The following PPP2R5E variants were observed in gnomAD, a reference collection of about 807,000 sequenced individuals.
PPP2R5E encodes protein phosphatase 2 regulatory subunit B'epsilon.
Under a neutral mutation model 65.3 loss-of-function variants are expected in PPP2R5E, and 4 were observed. That is an observed-to-expected ratio of 0.06 (90% CI 0.03 to 0.14). The LOEUF (loss-of-function observed/expected upper bound fraction) is 0.14. Among genes scored for constraint, PPP2R5E ranks in the 10% least tolerant of loss-of-function variants. The pLI is 1.00. For missense variants in PPP2R5E, 274 were observed against 556.1 expected (o/e 0.49, Z 5.10); for synonymous variants, 183 against 187.4 (o/e 0.98, Z 0.19).
At chr14:63,531,372 G>A (rs1485577981) in intron 2 of PPP2R5E, among the ~76,000 whole-genome samples, 1 of 150,462 alleles carries the variant, frequency 6.6e-6, no homozygotes, top group Admixed American at 6.7e-5. Flanking sequence ...ACCTATGAGT[G>A]AGAACATGCG....
chr14:63,539,220 C>T (rs532898812), intron 2 of PPP2R5E, among the ~76,000 whole-genome samples: 18 of 152,088 alleles, frequency 1.2e-4, no homozygotes, highest in Non-Finnish European at 1.8e-4. Flanking sequence ...TATCCCTAAA[C>T]GTCAACAGAA....
At chr14:63,389,980 G>A (rs1423836910) in intron 10 of PPP2R5E, among the ~76,000 whole-genome samples, 1 of 151,888 alleles carries the variant, frequency 6.6e-6, no homozygotes, top group Admixed American at 6.6e-5. Flanking sequence ...ATAGAACGAG[G>A]GACACTCACA....
intron 2 of PPP2R5E, chr14:63,508,011 G>A (rs1036338042): frequency 9.9e-5 from 33 of 333,640 alleles, no homozygotes; most frequent in African/African-American, 7.2e-4. Flanking sequence ...CCCCTTTGTA[G>A]AGATCCAGCT....
At chr14:63,468,223 C>T (rs2139544261) in intron 2 of PPP2R5E, among the ~76,000 whole-genome samples, 1 of 152,292 alleles carries the variant, frequency 6.6e-6, no homozygotes, top group Middle Eastern at 3.4e-3. Flanking sequence ...GAATATTTTC[C>T]ATATTCTAGG....
chr14:63,460,022 A>G (rs1265674701), intron 2 of PPP2R5E, among the ~76,000 whole-genome samples: 1 of 152,200 alleles, frequency 6.6e-6, no homozygotes, highest in African/African-American at 2.4e-5. Context: ...ATTAGCATAC[A>G]CGTTTTTTAA....
At chr14:63,464,231 A>G (rs1364769271) in intron 2 of PPP2R5E, among the ~76,000 whole-genome samples, 1 of 152,172 alleles carries the variant, frequency 6.6e-6, no homozygotes, top group Non-Finnish European at 1.5e-5. Flanking sequence ...TAGCAGGAAG[A>G]GACAAATAAT....
chr14:63,519,768 TCTC>T (rs1178367674), intron 2 of PPP2R5E, among the ~76,000 whole-genome samples: 1 of 151,298 alleles, frequency 6.6e-6, no homozygotes, highest in African/African-American at 2.4e-5. Context: ...TTCAAGCAAT[TCTC>T]CTGCCTCAGC....
intron 7 of PPP2R5E, 60 bp from the exon 8 acceptor site, chr14:63,393,988 T>C: frequency 1.0e-6 from 1 of 994,490 alleles, no homozygotes; most frequent in Middle Eastern, 2.1e-4. Flanking sequence ...TGAGACAAAC[T>C]GTTCTTGTGA....
chr14:63,490,415 G>A (rs75604496), intron 2 of PPP2R5E, among the ~76,000 whole-genome samples: 4,788 of 152,056 alleles, frequency 0.031, 231 homozygotes, highest in African/African-American at 0.11. Context: ...AAGCACTTCC[G>A]CACAGTGAAA....
chr14:63,496,987 C>T (rs960068656), intron 2 of PPP2R5E, among the ~76,000 whole-genome samples: 11 of 152,062 alleles, frequency 7.2e-5, no homozygotes, highest in African/African-American at 2.7e-4. Context: ...ACCATAATAG[C>T]TATGGCCTTT....
chr14:63,406,541 C>T (rs76132157), intron 5 of PPP2R5E, among the ~76,000 whole-genome samples: 1,576 of 152,268 alleles, frequency 0.01, 18 homozygotes, highest in African/African-American at 0.02. Context: ...AGAGACCAAC[C>T]GTTACTGGGA....
At chr14:63,509,951 G>A (rs955429075) in intron 2 of PPP2R5E, among the ~76,000 whole-genome samples, 2 of 152,116 alleles carry the variant, frequency 1.3e-5, no homozygotes, top group African/African-American at 4.8e-5. Flanking sequence ...ACCACTACCT[G>A]AGCATCCATG....
chr14:63,495,417 C>CAAAAAAAAAAAAAAAAAAAAAA (rs772700927), intron 2 of PPP2R5E, among the ~76,000 whole-genome samples: 1 of 93,236 alleles, frequency 1.1e-5, no homozygotes, highest in Non-Finnish European at 2.3e-5. Flanking sequence ...ACTAAAAATA[C>CAAAAAAAAAAAAAAAAAAAAAA]AAAAAAAAAA....
intron 2 of PPP2R5E, among the ~76,000 whole-genome samples, chr14:63,486,279 C>T (rs1051593987): frequency 6.8e-6 from 1 of 146,898 alleles, no homozygotes; most frequent in Non-Finnish European, 1.5e-5. Context: ...CCCCACCCAT[C>T]TTTCTTTCCC....
chr14:63,540,040 G>C (rs1254185339), intron 1 of PPP2R5E, among the ~76,000 whole-genome samples: 1 of 151,186 alleles, frequency 6.6e-6, no homozygotes, highest in East Asian at 1.9e-4. Flanking sequence ...TGAAAGAATC[G>C]CTTGAACCTG....
intron 4 of PPP2R5E, 112 bp downstream of exon 4, chr14:63,421,881 A>G (rs1887045441): frequency 1.3e-6 from 1 of 754,422 alleles, no homozygotes; most frequent in Non-Finnish European, 2.2e-6. Context: ...ACTTTCCATT[A>G]GTGTACTCTA....
chr14:63,469,122 G>T (rs1461603331), intron 2 of PPP2R5E, among the ~76,000 whole-genome samples: 1 of 152,082 alleles, frequency 6.6e-6, no homozygotes, highest in East Asian at 1.9e-4. Flanking sequence ...CTTTTTACAT[G>T]CCAGGCACTA....
At chr14:63,388,416 G>C (rs918252084) in intron 11 of PPP2R5E, among the ~76,000 whole-genome samples, 4 of 152,106 alleles carry the variant, frequency 2.6e-5, no homozygotes, top group Non-Finnish European at 4.4e-5. Context: ...TGGGATCACA[G>C]GCATGAGCCA....
chr14:63,391,553 AGCTGGGACTACAG>A (rs1214128675), intron 10 of PPP2R5E, among the ~76,000 whole-genome samples: 2 of 152,142 alleles, frequency 1.3e-5, no homozygotes, highest in Non-Finnish European at 2.9e-5. Flanking sequence ...CCTCCCGGGT[AGCTGGGACTACAG>A]GCATGCGCCA....
Sources: allele counts gnomAD v4.1 joint callset (sites outside exome capture counted in the v4.1 genomes callset), GRCh38; gene constraint gnomAD v4.1.1; transcripts MANE v1.5; gene names NCBI Gene and HGNC (gene_info 2026-07-23, HGNC 2026-07-21).